SMIM31: variants seen among roughly 807,000 people sequenced by gnomAD.
SMIM31 encodes human epithelial cell program regulator.
rs537975741 is a variant in SMIM31 at position 164,760,141 on chromosome 4, GGAGA to G, written c.-26+5733_-26+5736del. ...GGAGGAAATGACGGGGAGGAAAGTAGGAGAGAAAGTCAGAGACAAAGCAGGACCA... is the reference window on the plus strand; with the variant it reads ...GGAGGAAATGACGGGGAGGAAAGTAGGAAAGTCAGAGACAAAGCAGGACCA... On this transcript the variant is annotated intron_variant, in intron 1 of 2. Coordinates refer to ENST00000507311, the MANE Select transcript of SMIM31 (RefSeq NM_001352885.1). Among the ~76,000 whole-genome samples, 43 of 152,270 alleles carry G rather than the reference GGAGA, an allele frequency of 2.8e-4. 1 individual carries two copies. The East Asian group carries it at 8.3e-3, about 29-fold the overall frequency.
At chr4:164,754,551 A>ATTTTTTTTTTTTTTTTT (rs57916805) in intron 1 of SMIM31, 140 bp downstream of exon 1, 1 of 55,620 alleles carries the variant, frequency 1.8e-5, no homozygotes, top group African/African-American at 8.0e-5. Flanking sequence ...TCCTGGAGGT[A>ATTTTTTTTTTTTTTTTT]TTTTTTTTTT....
intron 1 of SMIM31, among the ~76,000 whole-genome samples, chr4:164,759,344 T>C (rs2110917599): frequency 1.3e-5 from 2 of 152,252 alleles, no homozygotes; most frequent in South Asian, 2.1e-4. Flanking sequence ...AATCTTTCCA[T>C]GGAAAAGGAG....
chr4:164,792,047 T>C (rs946555437), intron 2 of SMIM31, among the ~76,000 whole-genome samples: 15 of 152,234 alleles, frequency 9.9e-5, no homozygotes, highest in African/African-American at 3.4e-4. Context: ...TTGAATTAGC[T>C]ATTCATTAAT....
rs1732694725 is a variant in SMIM31, at chr4:164,764,538, G to C, written c.-25-5881G>C. Among the ~76,000 whole-genome samples the C allele has an allele frequency of 2.0e-5, 3 of 148,632 alleles. No homozygotes were observed. In the South Asian group the frequency reaches 6.4e-4, roughly 31 times the overall value. On this transcript the variant is annotated intron_variant, in intron 1 of 2. Coordinates refer to ENST00000507311, the MANE Select transcript of SMIM31 (RefSeq NM_001352885.1). ...GCCAAGATCGCGCCACTGCACTACA[G>C]CCTGGCGACAGAGCGAGACTCCATC...
chr4:164,788,775 C>T (rs1733063023), intron 2 of SMIM31, among the ~76,000 whole-genome samples: 1 of 151,972 alleles, frequency 6.6e-6, no homozygotes, highest in African/African-American at 2.4e-5. Context: ...CGTGAGCCAC[C>T]ACGCCCGGCC....
intron 2 of SMIM31, among the ~76,000 whole-genome samples, chr4:164,798,335 G>A (rs1277434644): frequency 2.0e-5 from 3 of 151,418 alleles, no homozygotes; most frequent in Non-Finnish European, 2.9e-5. Context: ...CTGGGTTCAC[G>A]CCATTCTCCT....
rs1210607914 is a variant in SMIM31, at chr4:164,758,630, G to GTTTT, written c.-26+4237_-26+4240dup. Among the ~76,000 whole-genome samples the GTTTT allele has an allele frequency of 8.2e-4, 79 of 96,634 alleles. 6 individuals are homozygous for GTTTT. Among genetic ancestry groups the GTTTT allele is most frequent in the African/African-American group, 2.6e-3 (60 of 23,130 alleles). The allele number at this position is 96,634 out of a possible 152,430, so 63.4% of individuals were successfully genotyped here. ...CCATATATGTAGTTTTCCTTTTTTT[G>GTTTT]TTTTTTTTTTTTTTTTTTTTTGAGA... On this transcript the variant is annotated intron_variant, in intron 1 of 2. Coordinates refer to ENST00000507311, the MANE Select transcript of SMIM31 (RefSeq NM_001352885.1).
In SMIM31 at chr4:164,802,473, G is replaced by A. The variant is rs1733299558; in HGVS notation, c.*1279G>A. On this transcript the variant is annotated 3_prime_UTR_variant, in exon 3 of 3. Transcript: ENST00000507311. ...GCTGGTCTCCAAATCCTGGACTCAA[G>A]CGATCCTCTGCCTTAGCCTCCCAAA... 6.6e-6 allele frequency: 1 copy of A among 152,232 alleles called. No homozygotes were observed. Among genetic ancestry groups the A allele is most frequent in the Non-Finnish European group, 1.5e-5 (1 of 68,106 alleles). 9.4% of individuals were successfully genotyped at this position (152,232 alleles called of 1,614,324 possible). A position where few individuals can be genotyped will look rare whatever the true frequency, so the allele number is the denominator to read the frequency against.
chr4:164,797,770 C>T (rs950669949), intron 2 of SMIM31, among the ~76,000 whole-genome samples: 130 of 151,996 alleles, frequency 8.6e-4, no homozygotes, highest in African/African-American at 2.9e-3. Context: ...GCCTAAAGTG[C>T]AAATTTCTTA....
At chr4:164,757,921 C>CG (rs1449518827) in intron 1 of SMIM31, among the ~76,000 whole-genome samples, 3 of 151,924 alleles carry the variant, frequency 2.0e-5, no homozygotes, top group Non-Finnish European at 4.4e-5. Context: ...AGTTTAGGAT[C>CG]AGCTTATCAA....
chr4:164,793,833 C>CAT, intron 2 of SMIM31, among the ~76,000 whole-genome samples: 1 of 152,088 alleles, frequency 6.6e-6, no homozygotes, highest in East Asian at 1.9e-4. Context: ...TATAACACAT[C>CAT]ATATATATAA....
chr4:164,784,833 C>T (rs573885208), intron 2 of SMIM31, among the ~76,000 whole-genome samples: 7 of 151,186 alleles, frequency 4.6e-5, no homozygotes, highest in African/African-American at 9.7e-5. Flanking sequence ...AGTAGCCATA[C>T]ACAAAATCAA....
intron 2 of SMIM31, among the ~76,000 whole-genome samples, chr4:164,780,350 T>C (rs899564940): frequency 9.9e-5 from 15 of 152,192 alleles, no homozygotes; most frequent in African/African-American, 3.4e-4. Flanking sequence ...CTGCTTGAAC[T>C]CGGGAGGTGG....
chr4:164,782,974 C>G (rs1463464353), intron 2 of SMIM31, among the ~76,000 whole-genome samples: 2 of 151,968 alleles, frequency 1.3e-5, no homozygotes, highest in African/African-American at 2.4e-5. Flanking sequence ...AATCCCAGCA[C>G]GTTGGGTGGC....
intron 2 of SMIM31, among the ~76,000 whole-genome samples, chr4:164,798,912 T>C (rs1464561972): frequency 6.6e-6 from 1 of 152,034 alleles, no homozygotes; most frequent in Non-Finnish European, 1.5e-5. Context: ...CTGTTTAAAG[T>C]GTGTGGCATC....
At chr4:164,794,228 A>G (rs1036887144) in intron 2 of SMIM31, among the ~76,000 whole-genome samples, 1 of 151,954 alleles carries the variant, frequency 6.6e-6, no homozygotes, top group Non-Finnish European at 1.5e-5. Flanking sequence ...AATTTTAAAA[A>G]TTTAGTTGGT....
At chr4:164,779,756 G>T (rs531591158) in intron 2 of SMIM31, among the ~76,000 whole-genome samples, 1 of 152,118 alleles carries the variant, frequency 6.6e-6, no homozygotes, top group Non-Finnish European at 1.5e-5. Context: ...TATCCTCTCT[G>T]CATCAATGTT....
chr4:164,759,474 A>T (rs1293875151), intron 1 of SMIM31, among the ~76,000 whole-genome samples: 1 of 152,210 alleles, frequency 6.6e-6, no homozygotes, highest in East Asian at 1.9e-4. Flanking sequence ...TATTATTCTT[A>T]TGTCAAAAAT....
rs1051923159 is a variant in SMIM31 at position 164,762,603 on chromosome 4, C to T, written c.-25-7816C>T. Among the ~76,000 whole-genome samples the T allele has an allele frequency of 4.5e-5, 6 of 133,624 alleles. No homozygotes were observed. In the East Asian group the frequency reaches 9.2e-4, roughly 20 times the overall value. The allele number at this position is 133,624 out of a possible 152,430, so 87.7% of individuals were successfully genotyped here. A position where few individuals can be genotyped will look rare whatever the true frequency, so the allele number is the denominator to read the frequency against. ...TTTTGAACCCAGGAAGCAGAGGTTG[C>T]GGTGAACCAAGATCGCACCACTGCA... On this transcript the variant is annotated intron_variant, in intron 1 of 2. Coordinates refer to ENST00000507311, the MANE Select transcript of SMIM31 (RefSeq NM_001352885.1).
Sources: allele counts gnomAD v4.1 joint callset (sites outside exome capture counted in the v4.1 genomes callset), GRCh38; gene constraint gnomAD v4.1.1; transcripts MANE v1.5; gene names NCBI Gene and HGNC (gene_info 2026-07-23, HGNC 2026-07-21).